The following GABBR2 variants were observed in gnomAD, a reference collection of about 807,000 sequenced individuals.
GABBR2 encodes the protein gamma-aminobutyric acid type B receptor subunit 2, also known as G-protein coupled receptor 51.
In GABBR2, 23 loss-of-function variants were observed where a neutral mutation model predicts 105.6. That is an observed-to-expected ratio of 0.22 (90% confidence interval 0.16 to 0.31). The LOEUF (loss-of-function observed/expected upper bound fraction) is 0.31. GABBR2 is among the 10% of genes least tolerant of loss of function. GABBR2 has a pLI of 1.00. For synonymous variants in GABBR2, 478 were observed against 499.7 expected (o/e 0.96, Z 0.58); for missense variants, 734 against 1,245.5 (o/e 0.59, Z 6.18).
chr9:98,427,991 C>T (rs1471913663), intron 7 of GABBR2, among the ~76,000 whole-genome samples: 1 of 152,228 alleles, frequency 6.6e-6, no homozygotes, highest in Non-Finnish European at 1.5e-5. Flanking sequence ...CAGAACCTTA[C>T]AGCTAAGTCA....
chr9:98,384,180 A>C (rs1832030445), intron 11 of GABBR2, among the ~76,000 whole-genome samples: 1 of 152,098 alleles, frequency 6.6e-6, no homozygotes. Context: ...CTCTAAAGAG[A>C]CCCAGCTGGC....
At chr9:98,518,302 A>C (rs1827799771) in intron 3 of GABBR2, among the ~76,000 whole-genome samples, 1 of 152,216 alleles carries the variant, frequency 6.6e-6, no homozygotes, top group Non-Finnish European at 1.5e-5. Flanking sequence ...GTTTCTTGCC[A>C]GGACGCTAAT....
intron 1 of GABBR2, among the ~76,000 whole-genome samples, chr9:98,582,584 C>G (rs1218295009): frequency 6.6e-6 from 1 of 152,094 alleles, no homozygotes; most frequent in Non-Finnish European, 1.5e-5. Context: ...GTTACAGCAG[C>G]ATAGAAAGCA....
chr9:98,673,627 C>T (rs924557950), intron 1 of GABBR2, among the ~76,000 whole-genome samples: 1 of 149,344 alleles, frequency 6.7e-6, no homozygotes, highest in Non-Finnish European at 1.5e-5. Flanking sequence ...GAAAGATACA[C>T]AGGATGGCCA....
rs573693799 is a variant in GABBR2 at position 98,578,803 on chromosome 9, C to T, written c.322-731G>A. Among the ~76,000 whole-genome samples, 26 of 152,240 alleles carry T rather than the reference C, an allele frequency of 1.7e-4. No homozygotes were observed. The South Asian group carries it at 4.8e-3, about 28-fold the overall frequency. ...GGAAAAGGAAGGAAATTCGGACACA[C>T]GCTACAACGTGGATGAACCTTGAGG... is the stretch of plus-strand genomic sequence containing the variant. On this transcript the variant is annotated intron_variant, in intron 1 of 18. Coordinates refer to ENST00000259455, the MANE Select transcript of GABBR2 (RefSeq NM_005458.8).
intron 4 of GABBR2, 138 bp from the exon 5 acceptor site, chr9:98,481,135 C>A (rs1367822993): frequency 7.4e-6 from 5 of 675,942 alleles, no homozygotes; most frequent in Non-Finnish European, 1.1e-5. Flanking sequence ...CAGGGCAGAA[C>A]CTCACCCCCA....
At chr9:98,438,088 CCA>C (rs1825960155) in intron 7 of GABBR2, among the ~76,000 whole-genome samples, 1 of 7,670 alleles carries the variant, frequency 1.3e-4, no homozygotes. Context: ...ACACATCTAT[CCA>C]TCCATCCATC....
At chr9:98,680,029 T>A (rs1830522818) in intron 1 of GABBR2, among the ~76,000 whole-genome samples, 1 of 152,232 alleles carries the variant, frequency 6.6e-6, no homozygotes, top group African/African-American at 2.4e-5. Context: ...CTTTGTATAT[T>A]TCCTCTTTTC....
At chr9:98,589,380 C>T (rs892249298) in intron 1 of GABBR2, among the ~76,000 whole-genome samples, 1 of 152,206 alleles carries the variant, frequency 6.6e-6, no homozygotes, top group Non-Finnish European at 1.5e-5. Context: ...CTTCAAGCTG[C>T]ACTTGACAAT....
chr9:98,648,791 C>A (rs1293068155), intron 1 of GABBR2, among the ~76,000 whole-genome samples: 1 of 152,166 alleles, frequency 6.6e-6, no homozygotes, highest in Non-Finnish European at 1.5e-5. Flanking sequence ...TTAGCAAGAC[C>A]CCTTCCCCAG....
At chr9:98,693,761 G>A (rs1830714286) in intron 1 of GABBR2, among the ~76,000 whole-genome samples, 1 of 152,232 alleles carries the variant, frequency 6.6e-6, no homozygotes, top group South Asian at 2.1e-4. Context: ...TATGAAAGCA[G>A]CCATGCAGTG....
intron 7 of GABBR2, among the ~76,000 whole-genome samples, chr9:98,415,424 G>A (rs2900383): frequency 1 from 151,816 of 152,314 alleles, 75,661 homozygotes; most frequent in Middle Eastern, 1. Context: ...TTACTGTTTT[G>A]TCTGTGCAAA....
At chr9:98,395,999 C>T (rs1195364847) in intron 8 of GABBR2, among the ~76,000 whole-genome samples, 9 of 152,162 alleles carry the variant, frequency 5.9e-5, no homozygotes, top group Admixed American at 2.6e-4. Context: ...GACAAGGAGA[C>T]GGAGGCTCAG....
chr9:98,357,796 C>A lies in GABBR2; in HGVS notation c.1893+4919G>T, dbSNP rs371303406. ...ACCTGTGTGCCTGTCTCAATCATAT[C>A]CTCCTATCCTGCCCACCAAGAAGTA... On this transcript the variant is annotated intron_variant, in intron 13 of 18. Transcript: ENST00000259455. Among the ~76,000 whole-genome samples, 42 of 152,170 alleles carry A rather than the reference C, an allele frequency of 2.8e-4. No homozygotes were observed. The South Asian group carries it at 7.7e-3, about 28-fold the overall frequency.
At chr9:98,355,704 T>G (rs771122333) in intron 13 of GABBR2, among the ~76,000 whole-genome samples, 17 of 152,248 alleles carry the variant, frequency 1.1e-4, no homozygotes, top group Non-Finnish European at 2.2e-4. Flanking sequence ...CAGATTATTT[T>G]GTGGATATCA....
chr9:98,298,617 G>T lies in GABBR2; in HGVS notation c.2542+607C>A, dbSNP rs188648520. 4.2e-3 allele frequency among the ~76,000 whole-genome samples: 643 copies of T among 152,104 alleles called. 3 individuals are homozygous for T. The highest frequency in any genetic ancestry group is 0.014 in the African/African-American group (583 of 41,500). On this transcript the variant is annotated intron_variant, in intron 17 of 18. Coordinates refer to ENST00000259455, the MANE Select transcript of GABBR2 (RefSeq NM_005458.8). ...AAAAGGTAGGCAAAAATGGTTTGTG[G>T]TTTTTTTTAAATTTATTTTTGTAGA...
At chr9:98,644,746 T>A (rs936440747) in intron 1 of GABBR2, among the ~76,000 whole-genome samples, 1 of 152,112 alleles carries the variant, frequency 6.6e-6, no homozygotes, top group African/African-American at 2.4e-5. Flanking sequence ...GCAGGAAAAT[T>A]GCTTGAACCT....
At chr9:98,657,092 T>C (rs1353581534) in intron 1 of GABBR2, among the ~76,000 whole-genome samples, 1 of 152,242 alleles carries the variant, frequency 6.6e-6, no homozygotes, top group Non-Finnish European at 1.5e-5. Flanking sequence ...CTGGTCAAAC[T>C]GGGCCACGTT....
intron 7 of GABBR2, among the ~76,000 whole-genome samples, chr9:98,447,251 T>C (rs10818939): frequency 0.71 from 96,192 of 134,952 alleles, 36,771 homozygotes; most frequent in East Asian, 0.87. Context: ...TTAGTAGAGA[T>C]GGGGTTTCAC....
Sources: gnomAD v4.1 joint callset for allele counts (sites outside exome capture counted in the v4.1 genomes callset) on GRCh38, gnomAD v4.1.1 for gene constraint, MANE v1.5 for transcripts, NCBI Gene and HGNC (gene_info 2026-07-23, HGNC 2026-07-21) for gene names.